Variants in PBX1 observed in about 807,000 individuals in gnomAD.
PBX1 encodes the protein pre-B-cell leukemia transcription factor 1.
PBX1 carries 6 observed loss-of-function variants against 53.4 expected under a neutral mutation model. That is an observed-to-expected ratio of 0.11 (90% CI 0.06 to 0.22). The LOEUF is 0.22. Ranked by LOEUF, PBX1 falls within the 10% of genes least tolerant of loss-of-function variation. The probability of loss-of-function intolerance (pLI) is 1.00; values close to 1 mark genes in which losing one functional copy is unlikely to be tolerated. For missense variants in PBX1, 251 were observed against 551.4 expected, an observed-to-expected ratio of 0.46 and a Z score of 5.46; for synonymous variants, 204 against 212.3, an observed-to-expected ratio of 0.96 and a Z score of 0.34.
intron 6 of PBX1, chr1:164,819,182 A>T (rs998895748): frequency 6.6e-6 from 1 of 152,178 alleles, no homozygotes; most frequent in Non-Finnish European, 1.5e-5. Flanking sequence ...AATGTGGGCT[A>T]GGTTCACCGC....
At chr1:164,673,191 T>C (rs1661208525) in intron 2 of PBX1, among the ~76,000 whole-genome samples, 1 of 152,104 alleles carries the variant, frequency 6.6e-6, no homozygotes, top group African/African-American at 2.4e-5. Context: ...TAGTATATGA[T>C]ATGTTTTATA....
At chr1:164,631,657 T>A (rs1658417904) in intron 2 of PBX1, among the ~76,000 whole-genome samples, 1 of 152,224 alleles carries the variant, frequency 6.6e-6, no homozygotes. Flanking sequence ...CTACAATAGA[T>A]AATATATAAA....
At chr1:164,664,876 C>T (rs1032509401) in intron 2 of PBX1, among the ~76,000 whole-genome samples, 4 of 148,594 alleles carry the variant, frequency 2.7e-5, no homozygotes, top group Non-Finnish European at 6.0e-5. Context: ...AAGACCTGCC[C>T]CATGATTCAA....
intron 2 of PBX1, among the ~76,000 whole-genome samples, chr1:164,638,010 A>AT (rs1201965445): frequency 6.6e-6 from 1 of 152,192 alleles, no homozygotes; most frequent in Non-Finnish European, 1.5e-5. Context: ...GACCATCTCA[A>AT]TATCAGTGGA....
chr1:164,798,308 G>A (rs1318037766), intron 3 of PBX1, among the ~76,000 whole-genome samples: 3 of 152,254 alleles, frequency 2.0e-5, no homozygotes, highest in Non-Finnish European at 2.9e-5. Flanking sequence ...TGTTTCTGCT[G>A]TTAATAAGTT....
At chr1:164,708,078 C>T (rs1047966458) in intron 2 of PBX1, among the ~76,000 whole-genome samples, 3 of 152,218 alleles carry the variant, frequency 2.0e-5, no homozygotes, top group Admixed American at 6.5e-5. Context: ...CATGCTGTCT[C>T]GTAGCCAACC....
intron 2 of PBX1, chr1:164,651,800 A>G (rs191477051): frequency 6.6e-6 from 1 of 152,492 alleles, no homozygotes; most frequent in East Asian, 1.9e-4. Context: ...TGGGGTTTGT[A>G]CCTTGGCCTT....
intron 2 of PBX1, among the ~76,000 whole-genome samples, chr1:164,664,917 A>T (rs1660720842): frequency 1.3e-5 from 2 of 152,300 alleles, no homozygotes; most frequent in South Asian, 4.1e-4. Flanking sequence ...CCCACAATAC[A>T]TGGGAATTCA....
chr1:164,644,235 A>G (rs1436283953), intron 2 of PBX1, among the ~76,000 whole-genome samples: 1 of 152,224 alleles, frequency 6.6e-6, no homozygotes, highest in Non-Finnish European at 1.5e-5. Context: ...AGTTAATTCT[A>G]CAGGATTCAC....
chr1:164,775,387 G>A (rs1667594119), intron 2 of PBX1, among the ~76,000 whole-genome samples: 1 of 152,142 alleles, frequency 6.6e-6, no homozygotes, highest in Non-Finnish European at 1.5e-5. Flanking sequence ...AGTTGAGTGT[G>A]TGGTGAAATC....
At chr1:164,877,039 G>A (rs1777703) in intron 2 of PBX1, among the ~76,000 whole-genome samples, 54,163 of 151,828 alleles carry the variant, frequency 0.36, 11,932 homozygotes, top group East Asian at 0.56. Flanking sequence ...TCCACTAATG[G>A]CTTTATGTAC....
At chr1:164,803,115 C>CT (rs1289227101) in intron 4 of PBX1, among the ~76,000 whole-genome samples, 5 of 152,176 alleles carry the variant, frequency 3.3e-5, no homozygotes, top group Non-Finnish European at 7.3e-5. Flanking sequence ...CACTGGCACT[C>CT]TACTTAGATT....
intron 2 of PBX1, among the ~76,000 whole-genome samples, chr1:164,708,383 T>TTA (rs1553233569): frequency 1.8e-4 from 27 of 151,806 alleles, no homozygotes; most frequent in Non-Finnish European, 2.2e-4. Flanking sequence ...AGTCTTTTTT[T>TTA]AAAAAAAATA....
At chr1:164,678,374 C>G (rs968774260) in intron 2 of PBX1, among the ~76,000 whole-genome samples, 4 of 152,202 alleles carry the variant, frequency 2.6e-5, no homozygotes, top group African/African-American at 9.7e-5. Context: ...CTCCTCGGGT[C>G]TGTGTCTCTA....
rs36118857 is a variant in PBX1, at chr1:164,565,422, G to GACACACACAC, written c.265+2133_265+2142dup. On this transcript the variant is annotated intron_variant, in intron 2 of 8. Transcript: ENST00000420696. ...AGAGTCATTGCCCCCTGTGTTAAGGGACACACACACACACACACACACACA... is the reference window on the plus strand; with the variant it reads ...AGAGTCATTGCCCCCTGTGTTAAGGGACACACACACACACACACACACACACACACACACA... Among the ~76,000 whole-genome samples the GACACACACAC allele has an allele frequency of 8.2e-3, 1,204 of 146,000 alleles. 29 individuals carry two copies. The East Asian group carries it at 0.1, about 12-fold the overall frequency.
chr1:164,562,432 T>C (rs993738275), intron 1 of PBX1, among the ~76,000 whole-genome samples: 11 of 146,776 alleles, frequency 7.5e-5, no homozygotes, highest in Non-Finnish European at 1.6e-4. Flanking sequence ...TATTGTTTTG[T>C]TCCTCAAGTG....
intron 2 of PBX1, among the ~76,000 whole-genome samples, chr1:164,734,921 G>A (rs538949223): frequency 5.5e-4 from 84 of 152,256 alleles, no homozygotes; most frequent in African/African-American, 2.0e-3. Flanking sequence ...TATTTTCCAA[G>A]CTGGATAGAT....
At chr1:164,776,508 C>T (rs985639557) in intron 2 of PBX1, among the ~76,000 whole-genome samples, 3 of 152,182 alleles carry the variant, frequency 2.0e-5, no homozygotes, top group African/African-American at 7.2e-5. Context: ...CATTCCCACC[C>T]CTCTTTTTCC....
At chr1:164,676,817 G>A (rs909342959) in intron 2 of PBX1, among the ~76,000 whole-genome samples, 7 of 152,288 alleles carry the variant, frequency 4.6e-5, no homozygotes, top group Middle Eastern at 3.4e-3. Context: ...CCCTGAGGGG[G>A]CTCAGGTCTG....
Sources: allele counts gnomAD v4.1 joint callset (sites outside exome capture counted in the v4.1 genomes callset), GRCh38; gene constraint gnomAD v4.1.1; transcripts MANE v1.5; gene names NCBI Gene and HGNC (gene_info 2026-07-23, HGNC 2026-07-21).